Variants in CCT6B observed in about 807,000 individuals in gnomAD.
CCT6B encodes probable T-complex protein 1 subunit zeta-2.
In CCT6B, 49 loss-of-function variants were observed where a neutral mutation model predicts 61.5. The observed-to-expected ratio is 0.80, with a 90% CI of 0.63 to 1.01. The LOEUF (loss-of-function observed/expected upper bound fraction) is 1.01, where lower values mean the gene tolerates loss of function less well. CCT6B is among the 50% of genes least tolerant of loss of function. CCT6B has a pLI of 0.00. For missense variants in CCT6B, 666 were observed against 634.7 expected (o/e 1.05, Z -0.53); for synonymous variants, 228 against 214.5 (o/e 1.06, Z -0.55).
At chr17:34,929,551 T>C (rs572305624) in intron 12 of CCT6B, among the ~76,000 whole-genome samples, 7 of 150,160 alleles carry the variant, frequency 4.7e-5, no homozygotes, top group South Asian at 2.1e-4. Context: ...TCTTGCTCTG[T>C]CACTCAGGCT....
At position 34,929,025 on chromosome 17, in the gene CCT6B, A is replaced by T; in HGVS notation, c.1460T>A (p.Met487Lys). 3 of 1,605,636 alleles carry T rather than the reference A, an allele frequency of 1.9e-6. No individual in the cohort carries two copies. Among genetic ancestry groups the T allele is most frequent in the Non-Finnish European group, 2.6e-6 (3 of 1,173,812 alleles). The change falls in exon 13 of 14, where the codon ATG (methionine) becomes AAG (lysine). Residue 487 changes from methionine to lysine, a missense_variant. Transcript: ENST00000314144. The part of the protein sequence containing the change: ...VGVDLNTGEP[M>K]VAADAGVWDN... Reference sequence around the variant, plus strand: ...CCAAACTCCTGCATCTGCTGCTACCATTGGCTCACCTGAAAAGTAAAAACA... The same window carrying T: ...CCAAACTCCTGCATCTGCTGCTACCTTTGGCTCACCTGAAAAGTAAAAACA...
At chr17:34,955,383 T>C (rs1366781917) in intron 3 of CCT6B, among the ~76,000 whole-genome samples, 1 of 152,206 alleles carries the variant, frequency 6.6e-6, no homozygotes, top group African/African-American at 2.4e-5. Context: ...ATACTGCAAT[T>C]ATATAATTCC....
In CCT6B at chr17:34,939,702, G is replaced by C. The variant is rs148722972; in HGVS notation, c.980C>G (p.Ala327Gly). The C allele has an allele frequency of 6.2e-7, 1 of 1,609,574 alleles. No individual in the cohort carries two copies. Among genetic ancestry groups the C allele is most frequent in the Non-Finnish European group, 8.5e-7 (1 of 1,176,138 alleles). ...KRRNMERLSL[A>G]CGGMAVNSFE... Reference sequence around the variant, plus strand: ...AGAATTCACGGCCATTCCACCACAAGCAAGAGAGAGTCTGAAATTACATAT... The same window carrying C: ...AGAATTCACGGCCATTCCACCACAACCAAGAGAGAGTCTGAAATTACATAT... The change falls in exon 9 of 14, where the codon GCT (alanine) becomes GGT (glycine). Residue 327 changes from alanine to glycine, a missense_variant. Ala to Gly is a moderately conservative substitution (Grantham distance 60). Coordinates refer to ENST00000314144, the MANE Select transcript of CCT6B (RefSeq NM_006584.4).
At chr17:34,955,178 G>A (rs2090334356) in intron 3 of CCT6B, among the ~76,000 whole-genome samples, 3 of 152,276 alleles carry the variant, frequency 2.0e-5, no homozygotes, top group Middle Eastern at 3.4e-3. Flanking sequence ...AAGCATAAAA[G>A]GCAGCTCAGG....
intron 12 of CCT6B, 130 bp from the exon 13 acceptor site, chr17:34,929,164 T>C: frequency 1.6e-6 from 1 of 621,888 alleles, no homozygotes; most frequent in Non-Finnish European, 2.9e-6. Flanking sequence ...CTCCATATTG[T>C]TAAATCCAAT....
At chr17:34,952,089 T>C in intron 4 of CCT6B, 36 bp from the exon 5 acceptor site, 1 of 1,290,756 alleles carries the variant, frequency 7.7e-7, no homozygotes, top group Non-Finnish European at 1.1e-6. Context: ...TTAAGTTATT[T>C]GGACTACTAA....
intron 10 of CCT6B, among the ~76,000 whole-genome samples, chr17:34,936,793 A>G (rs2090099467): frequency 6.6e-6 from 1 of 152,196 alleles, no homozygotes; most frequent in Non-Finnish European, 1.5e-5. Flanking sequence ...ATAAGATGAT[A>G]TTCATGAGTT....
At chr17:34,945,590 G>C (rs2090214668) in intron 5 of CCT6B, among the ~76,000 whole-genome samples, 1 of 152,062 alleles carries the variant, frequency 6.6e-6, no homozygotes, top group South Asian at 2.1e-4. Flanking sequence ...CTCACTTGTA[G>C]TATACCAACA....
intron 10 of CCT6B, among the ~76,000 whole-genome samples, chr17:34,933,044 A>G (rs1359061639): frequency 1.3e-5 from 2 of 152,094 alleles, no homozygotes; most frequent in African/African-American, 4.8e-5. Context: ...CGTCTCCCAA[A>G]ATGCTGGGAT....
At chr17:34,953,264 T>C (rs1386146440) in intron 4 of CCT6B, among the ~76,000 whole-genome samples, 1 of 150,858 alleles carries the variant, frequency 6.6e-6, no homozygotes, top group East Asian at 1.9e-4. Flanking sequence ...ATCAAATCAT[T>C]GCCACCTGAT....
In CCT6B at chr17:34,929,019, G is replaced by A; in HGVS notation, c.1466C>T (p.Ala489Val). The A allele has an allele frequency of 1.2e-6, 2 of 1,606,512 alleles. No individual in the cohort carries two copies. The highest frequency in any genetic ancestry group is 2.2e-5 in the South Asian group (2 of 90,062). ...ATTATCCCAAACTCCTGCATCTGCT[G>A]CTACCATTGGCTCACCTGAAAAGTA... ...VDLNTGEPMV[A>V]ADAGVWDNYC... is the part of the protein sequence containing the mutation. Residue 489 changes from alanine (A) to valine (V), a missense_variant, in exon 13 of 14, where the codon GCA becomes GTA. By Grantham distance (64) the Ala-to-Val change is moderately conservative. Coordinates refer to ENST00000314144, the MANE Select transcript of CCT6B (RefSeq NM_006584.4).
intron 4 of CCT6B, among the ~76,000 whole-genome samples, chr17:34,954,040 A>G (rs1597759485): frequency 1.3e-5 from 2 of 152,302 alleles, no homozygotes; most frequent in Non-Finnish European, 1.5e-5. Flanking sequence ...ATCACATTTC[A>G]TTATATTGGT....
In CCT6B at chr17:34,954,510, C is replaced by G. The variant is rs757244443; in HGVS notation, c.426G>C (p.Glu142Asp). 1.2e-6 allele frequency: 2 copies of G among 1,613,480 alleles called. No homozygotes were observed. The highest frequency in any genetic ancestry group is 1.7e-6 in the Non-Finnish European group (2 of 1,179,650). ...CATCTAAGAGGATTTTTCTTTTCAT[C>G]TCCTTTGTCACTTTAACTTCCTCCA... ...EVLEEVKVTKEMKRKILLDVA... is the reference protein window; with the variant it reads ...EVLEEVKVTKDMKRKILLDVA... The change falls in exon 4 of 14, where the codon GAG becomes GAC. Residue 142 changes from glutamate to aspartate, a missense_variant. Glu to Asp is a conservative substitution (Grantham distance 45). Transcript: ENST00000314144.
Position 34,961,365 on chromosome 17 carries a change from T to C in CCT6B, c.29A>G (p.Lys10Arg). 4 of 1,611,162 alleles carry C rather than the reference T, an allele frequency of 2.5e-6. No individual in the cohort carries two copies. The highest frequency in any genetic ancestry group is 3.4e-6 in the Non-Finnish European group (4 of 1,179,688). ...TGCCCGGGCCCGCGCCACCTCAGCC[T>C]TGGAGTTGACGGCCTTTATCGCAGC... MAAIKAVNS[K>R]AEVARARAAL... Residue 10 changes from lysine (K) to arginine (R), a missense_variant, in exon 1 of 14, where the codon AAG becomes AGG. Coordinates refer to ENST00000314144, the MANE Select transcript of CCT6B (RefSeq NM_006584.4).
At chr17:34,957,292 G>A (rs954886450) in intron 3 of CCT6B, among the ~76,000 whole-genome samples, 2 of 151,884 alleles carry the variant, frequency 1.3e-5, no homozygotes, top group African/African-American at 4.8e-5. Context: ...TCACAGGCGT[G>A]CACCAACACG....
chr17:34,953,488 C>T (rs1382518315), intron 4 of CCT6B, among the ~76,000 whole-genome samples: 1 of 151,814 alleles, frequency 6.6e-6, no homozygotes, highest in African/African-American at 2.4e-5. Flanking sequence ...TGCTAACATG[C>T]CCAGCTAATT....
At position 34,928,061 on chromosome 17, in the gene CCT6B, G is replaced by T. The variant is rs2089988396; in HGVS notation, c.1580C>A (p.Ser527Tyr). The T allele has an allele frequency of 6.2e-7, 1 of 1,610,432 alleles. No homozygotes were observed. Among genetic ancestry groups the T allele is most frequent in the East Asian group, 2.2e-5 (1 of 44,640 alleles). ...TGAATTCAATCATCATTTGAGAGAA[G>T]ACATCCCAGCTCGCATAATTTCATC... Reference protein sequence around the residue: ...LVDEIMRAGMSSLK With the variant: ...LVDEIMRAGMYSLK Residue 527 changes from serine to tyrosine, a missense_variant, in exon 14 of 14, where the codon TCT becomes TAT. Ser to Tyr is a moderately radical substitution (Grantham distance 144). Coordinates refer to ENST00000314144, the MANE Select transcript of CCT6B (RefSeq NM_006584.4).
chr17:34,940,500 T>C (rs757769698), intron 8 of CCT6B, 39 bp downstream of exon 8: 2 of 1,049,382 alleles, frequency 1.9e-6, no homozygotes, highest in Admixed American at 2.2e-5. Context: ...CCATTTACTC[T>C]GTTAAAAACT....
intron 5 of CCT6B, chr17:34,943,640 G>A (rs528887127): frequency 6.6e-6 from 1 of 152,210 alleles, no homozygotes; most frequent in East Asian, 1.9e-4. Context: ...GGGAGGGATA[G>A]CATTAGGAGA....
Sources: gnomAD v4.1 joint callset for allele counts (sites outside exome capture counted in the v4.1 genomes callset) on GRCh38, gnomAD v4.1.1 for gene constraint, MANE v1.5 for transcripts, NCBI Gene and HGNC (gene_info 2026-07-23, HGNC 2026-07-21) for gene names.